The following LTBP1 variants were observed in gnomAD, a reference collection of about 807,000 sequenced individuals.
LTBP1 encodes latent transforming growth factor beta binding protein 1, also known as latent-transforming growth factor beta-binding protein 1.
A neutral mutation model predicts 207.6 loss-of-function variants in LTBP1; 129 were observed. That is an observed-to-expected ratio of 0.62 (90% CI 0.54 to 0.72). The LOEUF (loss-of-function observed/expected upper bound fraction) is 0.72, where lower values mean the gene tolerates loss of function less well. Among genes scored for constraint, LTBP1 ranks in the 30% least tolerant of loss-of-function variants. LTBP1 has a pLI of 0.00. For missense variants in LTBP1, 2,281 were observed against 2,217.2 expected, an observed-to-expected ratio of 1.03 and a Z score of -0.58; for synonymous variants, 963 against 833.7, an observed-to-expected ratio of 1.16 and a Z score of -2.67.
At chr2:32,995,674 A>G (rs968290497) in intron 2 of LTBP1, among the ~76,000 whole-genome samples, 1 of 152,206 alleles carries the variant, frequency 6.6e-6, no homozygotes, top group Non-Finnish European at 1.5e-5. Context: ...CTGTAGTCCC[A>G]GCTACTCAGG....
chr2:33,330,810 G>C (rs1276347249), intron 24 of LTBP1, among the ~76,000 whole-genome samples: 9 of 133,872 alleles, frequency 6.7e-5, no homozygotes, highest in Non-Finnish European at 9.4e-5. Context: ...CTCTATCATG[G>C]TCTCAAAAAA....
intron 3 of LTBP1, among the ~76,000 whole-genome samples, chr2:33,061,773 T>C (rs2077282014): frequency 6.6e-6 from 1 of 152,342 alleles, no homozygotes; most frequent in Admixed American, 6.5e-5. Context: ...ATGATCATTC[T>C]TGTGAGTTTT....
At chr2:32,960,435 GGATT>G (rs1678915595) in intron 2 of LTBP1, among the ~76,000 whole-genome samples, 1 of 146,300 alleles carries the variant, frequency 6.8e-6, no homozygotes, top group Non-Finnish European at 1.5e-5. Flanking sequence ...ATGAATGAAT[GGATT>G]GATTTGTTGT....
intron 19 of LTBP1, among the ~76,000 whole-genome samples, chr2:33,287,079 TAATAAA>T (rs1268585779): frequency 1.3e-5 from 2 of 150,462 alleles, no homozygotes; most frequent in East Asian, 1.9e-4. Flanking sequence ...CTTAAAAGTA[TAATAAA>T]AATAAAATAA....
Position 33,354,811 on chromosome 2 carries a change from G to T in LTBP1, c.4001-5786G>T, listed in dbSNP as rs190900926. Among the ~76,000 whole-genome samples the T allele has an allele frequency of 1.7e-3, 254 of 151,640 alleles. 1 individual carries two copies. The highest frequency in any genetic ancestry group is 5.9e-3 in the African/African-American group (244 of 41,308). Reference sequence around the variant, plus strand: ...GGCTGGAGTGTAGTGTACGATCATGGTTCACTGCAGCCTTGACCTGCTGGG... The same window carrying T: ...GGCTGGAGTGTAGTGTACGATCATGTTTCACTGCAGCCTTGACCTGCTGGG... On this transcript the variant is annotated intron_variant, in intron 26 of 33. Transcript: ENST00000404816.
intron 25 of LTBP1, among the ~76,000 whole-genome samples, chr2:33,346,916 A>G (rs1004754733): frequency 2.6e-5 from 4 of 152,110 alleles, no homozygotes; most frequent in Admixed American, 6.5e-5. Flanking sequence ...GGAGATCGAG[A>G]CCATCCTGCC....
chr2:33,356,611 C>T (rs1427773715), intron 26 of LTBP1, among the ~76,000 whole-genome samples: 1 of 152,108 alleles, frequency 6.6e-6, no homozygotes, highest in Non-Finnish European at 1.5e-5. Context: ...CCCGGATCCA[C>T]TGCACTCCAG....
Position 32,998,166 on chromosome 2 carries a change from G to A in LTBP1, c.566-22743G>A, listed in dbSNP as rs190110312. 2.9e-3 allele frequency among the ~76,000 whole-genome samples: 442 copies of A among 152,230 alleles called. 2 individuals carry two copies. Among genetic ancestry groups the A allele is most frequent in the African/African-American group, 0.01 (430 of 41,518 alleles). On this transcript the variant is annotated intron_variant, in intron 2 of 33. Transcript: ENST00000404816. The stretch of plus-strand genomic sequence containing the variant: ...CCTAATAATCAAATGGATCAGGCCT[G>A]GCGACCTCTGTTTTTGAAAGCTCCC...
In LTBP1 at chr2:33,117,475, T is replaced by C. The variant is rs114967953; in HGVS notation, c.1033+6724T>C. On this transcript the variant is annotated intron_variant, in intron 4 of 33. Transcript: ENST00000404816. ...TACCACAAAGAGGTTACCCGTAAGATTGTCTGGGTCTTCCTGGTTGCCCTG... is the reference window on the plus strand; with the variant it reads ...TACCACAAAGAGGTTACCCGTAAGACTGTCTGGGTCTTCCTGGTTGCCCTG... 3.3e-3 allele frequency among the ~76,000 whole-genome samples: 508 copies of C among 152,280 alleles called. 5 individuals carry two copies. Among genetic ancestry groups the C allele is most frequent in the African/African-American group, 0.011 (469 of 41,544 alleles).
intron 18 of LTBP1, among the ~76,000 whole-genome samples, chr2:33,277,339 T>G (rs540308147): frequency 1.8e-4 from 27 of 152,138 alleles, no homozygotes; most frequent in Non-Finnish European, 1.2e-4. Flanking sequence ...CAAGCACAGG[T>G]GTAAAGTGTC....
At chr2:33,057,872 C>T (rs563438361) in intron 3 of LTBP1, among the ~76,000 whole-genome samples, 1 of 152,240 alleles carries the variant, frequency 6.6e-6, no homozygotes, top group Non-Finnish European at 1.5e-5. Context: ...GAGAATGGCT[C>T]CCATGGTGCA....
chr2:32,969,064 T>A lies in LTBP1; in HGVS notation c.565+20119T>A, dbSNP rs180871307. Among the ~76,000 whole-genome samples the A allele has an allele frequency of 3.0e-3, 457 of 152,108 alleles. 2 individuals carry two copies. Among genetic ancestry groups the A allele is most frequent in the Middle Eastern group, 0.014 (4 of 294 alleles). On this transcript the variant is annotated intron_variant, in intron 2 of 33. Coordinates refer to ENST00000404816, the MANE Select transcript of LTBP1 (RefSeq NM_206943.4). ...CCTCAGCCTCCCAAGTAGCTGGGAT[T>A]ACAGGTGCCCGCCACCATGCCTGGC...
Position 33,398,454 on chromosome 2 carries a change from G to C in LTBP1, c.5075G>C (p.Cys1692Ser). 1 of 1,614,214 alleles carries C rather than the reference G, an allele frequency of 6.2e-7. No individual in the cohort carries two copies. Among genetic ancestry groups the C allele is most frequent in the Non-Finnish European group, 8.5e-7 (1 of 1,180,022 alleles). ...INTDGSYKCL[C>S]LPGYVPSDKP... Reference sequence around the variant, plus strand: ...ACCGATGGTTCCTACAAGTGTTTGTGTCTGCCAGGCTACGTGCCTTCTGAC... The same window carrying C: ...ACCGATGGTTCCTACAAGTGTTTGTCTCTGCCAGGCTACGTGCCTTCTGAC... The change falls in exon 34 of 34, where the codon TGT becomes TCT. Residue 1692 changes from cysteine (C) to serine (S), a missense_variant. Transcript: ENST00000404816.
At chr2:33,138,773 A>T (rs978581430) in intron 5 of LTBP1, among the ~76,000 whole-genome samples, 1 of 152,064 alleles carries the variant, frequency 6.6e-6, no homozygotes, top group South Asian at 2.1e-4. Context: ...GTTTATGTGA[A>T]TCTAAAGACT....
intron 5 of LTBP1, among the ~76,000 whole-genome samples, chr2:33,140,077 G>T (rs1211862399): frequency 6.6e-6 from 1 of 152,136 alleles, no homozygotes; most frequent in East Asian, 1.9e-4. Context: ...ACAACCTCTG[G>T]CATCCTGTAG....
intron 2 of LTBP1, among the ~76,000 whole-genome samples, chr2:33,000,586 G>C (rs1685947543): frequency 1.5e-5 from 2 of 135,424 alleles, no homozygotes; most frequent in African/African-American, 5.1e-5. Context: ...CTCTCCCACT[G>C]GACTGTGTGT....
At chr2:33,027,369 T>G (rs1573174107) in intron 3 of LTBP1, among the ~76,000 whole-genome samples, 1 of 152,318 alleles carries the variant, frequency 6.6e-6, no homozygotes, top group South Asian at 2.1e-4. Context: ...GTGAGAATGT[T>G]GAAGGTCTAC....
intron 3 of LTBP1, among the ~76,000 whole-genome samples, chr2:33,072,194 G>A (rs1298901231): frequency 6.6e-6 from 1 of 152,160 alleles, no homozygotes; most frequent in Non-Finnish European, 1.5e-5. Context: ...TTATTATAAA[G>A]GATATTGCAA....
intron 24 of LTBP1, among the ~76,000 whole-genome samples, chr2:33,316,690 T>C (rs996405504): frequency 6.6e-6 from 1 of 152,198 alleles, no homozygotes; most frequent in African/African-American, 2.4e-5. Context: ...GTTCAAGTTT[T>C]ATGTAAATTT....
Sources: gnomAD v4.1 joint callset for allele counts (sites outside exome capture counted in the v4.1 genomes callset) on GRCh38, gnomAD v4.1.1 for gene constraint, MANE v1.5 for transcripts, NCBI Gene and HGNC (gene_info 2026-07-23, HGNC 2026-07-21) for gene names.